The following DOCK8 variants were observed in gnomAD, a reference collection of about 807,000 sequenced individuals.
DOCK8 encodes dedicator of cytokinesis protein 8.
A neutral mutation model predicts 245.6 loss-of-function variants in DOCK8; 141 were observed. The ratio of observed to expected loss-of-function variants is 0.57; its 90% CI spans 0.50 to 0.66. The LOEUF is 0.66. Ranked by LOEUF, DOCK8 falls within the 30% of genes least tolerant of loss-of-function variation. The pLI is 0.00. For synonymous variants in DOCK8, 1,168 were observed against 970.2 expected, an observed-to-expected ratio of 1.20 and a Z score of -3.79; for missense variants, 2,965 against 2,603.4, an observed-to-expected ratio of 1.14 and a Z score of -3.02.
chr9:428,985 T>TTATTTTG (rs2056603622), intron 35 of DOCK8, among the ~76,000 whole-genome samples: 4 of 152,394 alleles, frequency 2.6e-5, no homozygotes, highest in African/African-American at 9.6e-5. Context: ...TATTTATTTT[T>TTATTTTG]GAGACTGAGT....
At chr9:383,855 A>C (rs2053833239) in intron 22 of DOCK8, among the ~76,000 whole-genome samples, 1 of 152,088 alleles carries the variant, frequency 6.6e-6, no homozygotes, top group Non-Finnish European at 1.5e-5. Flanking sequence ...TTACTTTCAG[A>C]ACAGTTTTAG....
intron 1 of DOCK8, among the ~76,000 whole-genome samples, chr9:250,172 C>G (rs1345685208): frequency 1.3e-5 from 2 of 152,184 alleles, no homozygotes; most frequent in African/African-American, 4.8e-5. Flanking sequence ...GTTCAAGATG[C>G]GAGGGCAAGA....
rs572633406 is a variant in DOCK8 at position 313,181 on chromosome 9, T to G, written c.741+1015T>G. Among the ~76,000 whole-genome samples the G allele has an allele frequency of 4.6e-5, 7 of 152,348 alleles. No individual in the cohort carries two copies. In the East Asian group the frequency reaches 1.4e-3, roughly 29 times the overall value. ...CCACATGGAAATACTATTGTTGACA[T>G]TGACCTACTCACCATCTAGCACCTT... On this transcript the variant is annotated intron_variant, in intron 6 of 47. Coordinates refer to ENST00000432829, the MANE Select transcript of DOCK8 (RefSeq NM_203447.4).
At chr9:434,086 T>C in intron 38 of DOCK8, 111 bp downstream of exon 38, 1 of 798,094 alleles carries the variant, frequency 1.3e-6, no homozygotes. Context: ...GTGATTTGGA[T>C]GATAGCCAAA....
chr9:443,403 A>G (rs2057153184), intron 42 of DOCK8, 24 bp from the exon 43 acceptor site: 1 of 1,605,508 alleles, frequency 6.2e-7, no homozygotes, highest in Non-Finnish European at 8.5e-7. Flanking sequence ...TAACCTTTAT[A>G]AACTGTTGGT....
intron 43 of DOCK8, 24 bp downstream of exon 43, chr9:443,540 A>G: frequency 1.3e-6 from 2 of 1,579,148 alleles, no homozygotes; most frequent in Non-Finnish European, 1.7e-6. Context: ...TACAAAAACT[A>G]ACCATCAAGC....
At chr9:370,589 A>G (rs1393789783) in intron 16 of DOCK8, among the ~76,000 whole-genome samples, 4 of 152,218 alleles carry the variant, frequency 2.6e-5, no homozygotes, top group Non-Finnish European at 5.9e-5. Context: ...AAGGAAACAC[A>G]TTTCCTAACT....
intron 23 of DOCK8, among the ~76,000 whole-genome samples, chr9:389,375 G>A (rs1335789645): frequency 2.0e-5 from 3 of 152,146 alleles, no homozygotes; most frequent in Non-Finnish European, 2.9e-5. Context: ...AGTGGAGCTG[G>A]GGGACTTTCC....
intron 31 of DOCK8, 139 bp downstream of exon 31, chr9:420,722 G>A: frequency 7.9e-7 from 1 of 1,259,944 alleles, no homozygotes; most frequent in Non-Finnish European, 1.2e-6. Context: ...TAACCCATTT[G>A]TAGGTATAGA....
chr9:233,532 A>G (rs1287152189), intron 1 of DOCK8, among the ~76,000 whole-genome samples: 3 of 151,454 alleles, frequency 2.0e-5, no homozygotes, highest in Non-Finnish European at 4.4e-5. Flanking sequence ...GTGGGAGTCT[A>G]AGTCTCTTTG....
chr9:375,975 G>A (rs138518669), intron 18 of DOCK8, among the ~76,000 whole-genome samples: 17 of 152,270 alleles, frequency 1.1e-4, no homozygotes, highest in Admixed American at 7.8e-4. Flanking sequence ...TCAGCCTGGC[G>A]ACAGAGTGGG....
At chr9:324,133 G>A (rs147392062) in intron 7 of DOCK8, among the ~76,000 whole-genome samples, 28 of 152,248 alleles carry the variant, frequency 1.8e-4, no homozygotes, top group African/African-American at 6.8e-4. Flanking sequence ...AGATGGTGGA[G>A]GAGGAACAGA....
At chr9:338,912 A>G in intron 12 of DOCK8, 94 bp from the exon 13 acceptor site, 1 of 1,005,882 alleles carries the variant, frequency 9.9e-7, no homozygotes, top group Non-Finnish European at 1.5e-6. Context: ...TTGTGAGAAT[A>G]AAACTTAAAG....
chr9:319,723 A>G (rs2050503302), intron 7 of DOCK8, among the ~76,000 whole-genome samples: 1 of 152,198 alleles, frequency 6.6e-6, no homozygotes, highest in African/African-American at 2.4e-5. Context: ...TCAGAAATAT[A>G]GAAACCCTCA....
chr9:405,434 T>C lies in DOCK8; in HGVS notation c.3390+361T>C, dbSNP rs12349415. Among the ~76,000 whole-genome samples, 10 of 152,310 alleles carry C rather than the reference T, an allele frequency of 6.6e-5. No individual in the cohort carries two copies. The South Asian group carries it at 1.7e-3, about 25-fold the overall frequency. ...CAAAGTAAATAAGTTTTGGAAACCATGTATTCACCAGGTTTCTTTGCAGCA... is the reference window on the plus strand; with the variant it reads ...CAAAGTAAATAAGTTTTGGAAACCACGTATTCACCAGGTTTCTTTGCAGCA... On this transcript the variant is annotated intron_variant, in intron 27 of 47. Coordinates refer to ENST00000432829, the MANE Select transcript of DOCK8 (RefSeq NM_203447.4).
At chr9:245,381 A>ATT (rs373375177) in intron 1 of DOCK8, among the ~76,000 whole-genome samples, 2 of 151,444 alleles carry the variant, frequency 1.3e-5, no homozygotes, top group African/African-American at 4.9e-5. Flanking sequence ...ATTTTTTTGT[A>ATT]TTTTTTTGTA....
chr9:414,427 C>G (rs2055892251), intron 28 of DOCK8, among the ~76,000 whole-genome samples: 1 of 152,190 alleles, frequency 6.6e-6, no homozygotes, highest in Non-Finnish European at 1.5e-5. Context: ...CACAGGCAGT[C>G]TGTTTCTGGA....
chr9:417,158 G>T (rs1318786008), intron 29 of DOCK8, among the ~76,000 whole-genome samples: 1 of 152,058 alleles, frequency 6.6e-6, no homozygotes, highest in Non-Finnish European at 1.5e-5. Flanking sequence ...AGCCAGGCGT[G>T]GTGGCGCACC....
At chr9:258,495 G>A (rs2047833232) in intron 1 of DOCK8, among the ~76,000 whole-genome samples, 1 of 152,044 alleles carries the variant, frequency 6.6e-6, no homozygotes, top group Admixed American at 6.6e-5. Flanking sequence ...GGAGGGAGTG[G>A]GTGCAAGAGC....
Sources: allele counts gnomAD v4.1 joint callset (sites outside exome capture counted in the v4.1 genomes callset), GRCh38; gene constraint gnomAD v4.1.1; transcripts MANE v1.5; gene names NCBI Gene and HGNC (gene_info 2026-07-23, HGNC 2026-07-21).